The following XRN1 variants were observed in gnomAD, a reference collection of about 807,000 sequenced individuals.
XRN1 encodes 5'-3' exoribonuclease 1, also known as strand-exchange protein 1 homolog.
Under a neutral mutation model 222.3 loss-of-function variants are expected in XRN1, and 67 were observed. That is an observed-to-expected ratio of 0.30 (90% CI 0.25 to 0.37). The LOEUF (loss-of-function observed/expected upper bound fraction) is 0.37. Ranked by LOEUF, XRN1 falls within the 10% of genes least tolerant of loss-of-function variation. XRN1 has a pLI of 1.00. For synonymous variants in XRN1, 643 were observed against 652.4 expected, an observed-to-expected ratio of 0.99 and a Z score of 0.22; for missense variants, 1,707 against 2,000.2, an observed-to-expected ratio of 0.85 and a Z score of 2.80.
chr3:142,445,559 C>T (rs1307374566), intron 1 of XRN1, among the ~76,000 whole-genome samples: 2 of 152,164 alleles, frequency 1.3e-5, no homozygotes, highest in African/African-American at 4.8e-5. Flanking sequence ...TTAAAAAATA[C>T]AGTGGTTTGC....
chr3:142,335,472 C>A lies in XRN1; in HGVS notation c.3915G>T (p.Trp1305Cys). ...CCTGCTTATTGGACATTTTTTGGGA[C>A]CAACACTCAGCTTTAGGACTCTTAC... ...EECKSPKAECWSQKMSNKQPN... is the reference protein window; with the variant it reads ...EECKSPKAECCSQKMSNKQPN... Residue 1305 changes from tryptophan to cysteine, a missense_variant, in exon 34 of 41, where the codon TGG becomes TGT. Transcript: ENST00000392981. 1 of 1,613,792 alleles carries A rather than the reference C, an allele frequency of 6.2e-7. No individual in the cohort carries two copies. The highest frequency in any genetic ancestry group is 8.5e-7 in the Non-Finnish European group (1 of 1,179,876).
At chr3:142,329,646 A>T in intron 36 of XRN1, 31 bp from the exon 37 acceptor site, 1 of 1,514,518 alleles carries the variant, frequency 6.6e-7, no homozygotes. Context: ...GTCTATCTTT[A>T]TTAATAAAAT....
intron 22 of XRN1, among the ~76,000 whole-genome samples, chr3:142,382,475 G>T (rs568918294): frequency 5.3e-4 from 80 of 152,154 alleles, no homozygotes; most frequent in Non-Finnish European, 7.6e-4. Flanking sequence ...GTCACTCAAA[G>T]TATCCAAGAT....
chr3:142,339,185 C>T (rs1486614621), intron 33 of XRN1, among the ~76,000 whole-genome samples: 2 of 152,120 alleles, frequency 1.3e-5, no homozygotes, highest in African/African-American at 4.8e-5. Flanking sequence ...GTGGTGGTGG[C>T]CACAGGGGTA....
intron 20 of XRN1, among the ~76,000 whole-genome samples, chr3:142,391,771 T>C (rs2067732462): frequency 6.8e-6 from 1 of 147,408 alleles, no homozygotes; most frequent in Non-Finnish European, 1.5e-5. Flanking sequence ...TATATATATA[T>C]ATATGAATGA....
At chr3:142,351,300 GAAGA>G in intron 32 of XRN1, among the ~76,000 whole-genome samples, 1 of 152,104 alleles carries the variant, frequency 6.6e-6, no homozygotes, top group South Asian at 2.1e-4. Flanking sequence ...AATGAGACAG[GAAGA>G]AAAACAGGGA....
At chr3:142,326,778 T>G (rs2065528726) in intron 37 of XRN1, among the ~76,000 whole-genome samples, 2 of 152,128 alleles carry the variant, frequency 1.3e-5, no homozygotes, top group Non-Finnish European at 2.9e-5. Flanking sequence ...TGTTGTTTAT[T>G]ATGTTGAGGT....
At chr3:142,397,561 A>T (rs1315868396) in intron 19 of XRN1, 101 bp from the exon 20 acceptor site, 3 of 959,144 alleles carry the variant, frequency 3.1e-6, no homozygotes, top group Non-Finnish European at 4.2e-6. Flanking sequence ...TTCACATGGT[A>T]TACTAGCAAA....
intron 8 of XRN1, 84 bp from the exon 9 acceptor site, chr3:142,421,627 G>C (rs938492275): frequency 5.9e-6 from 6 of 1,009,510 alleles, no homozygotes; most frequent in East Asian, 2.6e-5. Context: ...ACAAAATGTT[G>C]AATGTTCATG....
rs577697875 is a variant in XRN1 at position 142,360,172 on chromosome 3, A to G, written c.3395-241T>C. Among the ~76,000 whole-genome samples, 4 of 152,276 alleles carry G rather than the reference A, an allele frequency of 2.6e-5. No individual in the cohort carries two copies. In the East Asian group the frequency reaches 5.8e-4, roughly 22 times the overall value. ...TCCCAACTAGGTAACATTATCTTCAATTTGGCAGTTATGATTCCTTATGTT... is the reference window on the plus strand; with the variant it reads ...TCCCAACTAGGTAACATTATCTTCAGTTTGGCAGTTATGATTCCTTATGTT... On this transcript the variant is annotated intron_variant, in intron 29 of 40. Transcript: ENST00000392981.
In XRN1 at chr3:142,332,553, C is replaced by T; in HGVS notation, c.4063-19G>A. 1 of 1,596,646 alleles carries T rather than the reference C, an allele frequency of 6.3e-7. No individual in the cohort carries two copies. Among genetic ancestry groups the T allele is most frequent in the Non-Finnish European group, 8.5e-7 (1 of 1,170,886 alleles). ...TTCCCTTCTTTTTGAAAATGATTCACATGGAGATGGTGAGGGTGAAGAGAA... is the reference window on the plus strand; with the variant it reads ...TTCCCTTCTTTTTGAAAATGATTCATATGGAGATGGTGAGGGTGAAGAGAA... On this transcript the variant is annotated intron_variant, in intron 35 of 40. Coordinates refer to ENST00000392981, the MANE Select transcript of XRN1 (RefSeq NM_001282857.2).
intron 20 of XRN1, among the ~76,000 whole-genome samples, chr3:142,391,423 T>C (rs2067706880): frequency 6.6e-6 from 1 of 152,138 alleles, no homozygotes; most frequent in Non-Finnish European, 1.5e-5. Flanking sequence ...GGGGTCAGTG[T>C]TGTTGTCTGT....
Position 142,384,642 on chromosome 3 carries a change from C to T in XRN1, c.2383G>A (p.Val795Ile). ...CCTGTGAGTAACTGAGCATACACAA[C>T]TGCAGATGTTTCATTTATTATTATT... ...KGIIINETSA[V>I]VYAQLLTGRK... Residue 795 changes from valine (V) to isoleucine (I), a missense_variant, in exon 21 of 41, where the codon GTT becomes ATT. Around this residue, in one of 2 missense-constraint regions of XRN1, gnomAD observed 1,234 missense variants for 1,518.2 expected, o/e 0.81. Coordinates refer to ENST00000392981, the MANE Select transcript of XRN1 (RefSeq NM_001282857.2). 1 of 1,603,538 alleles carries T rather than the reference C, an allele frequency of 6.2e-7. No homozygotes were observed. The highest frequency in any genetic ancestry group is 8.5e-7 in the Non-Finnish European group (1 of 1,176,108).
rs1467820111 is a variant in XRN1 at position 142,309,528 on chromosome 3, C to G, written c.*1983G>C. ...CACTGCGCCTGGCTGGAAAATAAAA[C>G]TCTTTCACTGCCTATCTGTATAGAA... On this transcript the variant is annotated 3_prime_UTR_variant, in exon 41 of 41. Coordinates refer to ENST00000392981, the MANE Select transcript of XRN1 (RefSeq NM_001282857.2). The G allele has an allele frequency of 6.6e-6, 1 of 152,234 alleles. No individual in the cohort carries two copies. The highest frequency in any genetic ancestry group is 1.5e-5 in the Non-Finnish European group (1 of 68,068). 9.4% of individuals were successfully genotyped at this position (152,234 alleles called of 1,614,324 possible). A position where few individuals can be genotyped will look rare whatever the true frequency, so the allele number is the denominator to read the frequency against.
chr3:142,320,708 C>A (rs1319712877), intron 37 of XRN1, among the ~76,000 whole-genome samples: 1 of 152,136 alleles, frequency 6.6e-6, no homozygotes, highest in Non-Finnish European at 1.5e-5. Flanking sequence ...AGACTCATTT[C>A]ATGAGTTCTC....
At chr3:142,438,902 T>C (rs6790042) in intron 1 of XRN1, among the ~76,000 whole-genome samples, 151,845 of 152,000 alleles carry the variant, frequency 1, 75,845 homozygotes, top group Middle Eastern at 1. Context: ...ACCTCCCTAT[T>C]CCAGTGTCCC....
intron 33 of XRN1, among the ~76,000 whole-genome samples, chr3:142,342,141 G>C (rs1293671683): frequency 6.6e-6 from 1 of 152,036 alleles, no homozygotes; most frequent in Non-Finnish European, 1.5e-5. Context: ...AAAATCAGTA[G>C]CATTTTTATA....
chr3:142,360,184 T>C (rs1425154895), intron 29 of XRN1, among the ~76,000 whole-genome samples: 2 of 152,214 alleles, frequency 1.3e-5, no homozygotes, highest in African/African-American at 2.4e-5. Flanking sequence ...TTGGCAGTTA[T>C]GATTCCTTAT....
At chr3:142,414,470 G>A (rs998085478) in intron 13 of XRN1, 179 bp from the exon 14 acceptor site, 24 of 424,618 alleles carry the variant, frequency 5.7e-5, no homozygotes, top group African/African-American at 2.3e-4. Context: ...TAGGTCATCC[G>A]ATGGCAACAA....
Sources: allele counts gnomAD v4.1 joint callset (sites outside exome capture counted in the v4.1 genomes callset), GRCh38; gene constraint gnomAD v4.1.1; regional missense constraint gnomAD v4.1.1; transcripts MANE v1.5; gene names NCBI Gene and HGNC (gene_info 2026-07-23, HGNC 2026-07-21).